The following OR3A2 variants were observed in gnomAD, a reference collection of about 807,000 sequenced individuals.
OR3A2 encodes the protein olfactory receptor 3A2.
For missense variants in OR3A2, 318 were observed against 392.8 expected, an observed-to-expected ratio of 0.81 and a Z score of 1.61; for synonymous variants, 126 against 159.3, an observed-to-expected ratio of 0.79 and a Z score of 1.57.
At chr17:3,354,572 T>G (rs567555274) in intron 2 of OR3A2, among the ~76,000 whole-genome samples, 1 of 151,520 alleles carries the variant, frequency 6.6e-6, no homozygotes, top group East Asian at 1.9e-4. Context: ...TAGTCACTAA[T>G]GATCCTTCAA....
At chr17:3,385,453 A>G (rs952627120) in intron 1 of OR3A2, among the ~76,000 whole-genome samples, 5 of 150,278 alleles carry the variant, frequency 3.3e-5, no homozygotes, top group Non-Finnish European at 7.5e-5. Context: ...AGAGGAGGAT[A>G]GATAGATAGA....
intron 2 of OR3A2, among the ~76,000 whole-genome samples, chr17:3,372,088 G>A (rs2049632830): frequency 2.1e-5 from 3 of 143,480 alleles, no homozygotes; most frequent in African/African-American, 8.1e-5. Context: ...CCAGGCGGAG[G>A]GTCTCCTCTC....
At chr17:3,307,788 T>TG (rs2049009421) in intron 3 of OR3A2, among the ~76,000 whole-genome samples, 1 of 152,152 alleles carries the variant, frequency 6.6e-6, no homozygotes, top group Non-Finnish European at 1.5e-5. Context: ...GCAAGAACAC[T>TG]GATCCAGGGA....
intron 3 of OR3A2, chr17:3,310,189 C>T (rs554931117): frequency 8.1e-5 from 32 of 397,094 alleles, no homozygotes; most frequent in Non-Finnish European, 8.1e-5. Flanking sequence ...TCTTCCATCC[C>T]GGCCCTGTCC....
intron 3 of OR3A2, among the ~76,000 whole-genome samples, chr17:3,304,293 T>C (rs1003413537): frequency 2.0e-5 from 3 of 152,196 alleles, no homozygotes; most frequent in African/African-American, 7.2e-5. Context: ...AAGACCCACC[T>C]GCAGGACTCT....
At chr17:3,332,755 G>A (rs112901969) in intron 3 of OR3A2, among the ~76,000 whole-genome samples, 349 of 152,212 alleles carry the variant, frequency 2.3e-3, no homozygotes, top group African/African-American at 7.6e-3. Context: ...TGCAATCTCC[G>A]AACATAAATT....
At chr17:3,324,810 C>A (rs934003298) in intron 3 of OR3A2, among the ~76,000 whole-genome samples, 12 of 152,088 alleles carry the variant, frequency 7.9e-5, no homozygotes, top group Non-Finnish European at 1.8e-4. Context: ...GGGTCAGAGA[C>A]CCACTTGAGG....
rs891560304 is a variant in OR3A2 at position 3,312,245 on chromosome 17, T to C, written c.-85+23788A>G. 2.6e-5 allele frequency among the ~76,000 whole-genome samples: 4 copies of C among 152,326 alleles called. No homozygotes were observed. In the East Asian group the frequency reaches 5.8e-4, roughly 22 times the overall value. On this transcript the variant is annotated intron_variant, in intron 3 of 4. Coordinates refer to the OR3A2 transcript ENST00000573491. ...TTAATGATTGTTCAATTGAAACATA[T>C]ATAAAATGTTAATAAAAATGAAATG...
intron 2 of OR3A2, among the ~76,000 whole-genome samples, chr17:3,374,262 T>C (rs989038008): frequency 1.3e-5 from 2 of 152,226 alleles, no homozygotes; most frequent in Admixed American, 6.5e-5. Flanking sequence ...GATAACCTGA[T>C]GACTATCTGC....
chr17:3,288,800 G>A (rs372217029), upstream of OR3A2, among the ~76,000 whole-genome samples: 5 of 152,164 alleles, frequency 3.3e-5, no homozygotes, highest in East Asian at 1.9e-4. Flanking sequence ...TAGTGAACAC[G>A]TACTTATACA....
intron 2 of OR3A2, among the ~76,000 whole-genome samples, chr17:3,342,776 C>A (rs2049330476): frequency 6.6e-6 from 1 of 152,326 alleles, no homozygotes; most frequent in South Asian, 2.1e-4. Context: ...ATTCTCAGAG[C>A]TCAAACACCA....
intron 2 of OR3A2, among the ~76,000 whole-genome samples, chr17:3,338,724 C>A (rs2049291956): frequency 6.6e-6 from 1 of 152,116 alleles, no homozygotes; most frequent in Admixed American, 6.5e-5. Context: ...AGGTTTGTTC[C>A]TTTTGCTTAG....
downstream of OR3A2, among the ~76,000 whole-genome samples, chr17:3,276,727 C>T (rs1470945414): frequency 1.3e-5 from 2 of 152,018 alleles, no homozygotes; most frequent in Admixed American, 1.3e-4. Context: ...GTAATACAAA[C>T]ATTTACTCTT....
At chr17:3,310,863 C>A in intron 3 of OR3A2, 1 of 1,044,544 alleles carries the variant, frequency 9.6e-7, no homozygotes, top group Non-Finnish European at 1.4e-6. Flanking sequence ...CTGTGACCTC[C>A]CACAGCCCTT....
chr17:3,377,758 G>A (rs1413003718), intron 2 of OR3A2, among the ~76,000 whole-genome samples: 1 of 152,180 alleles, frequency 6.6e-6, no homozygotes, highest in Non-Finnish European at 1.5e-5. Flanking sequence ...GTATGACAGG[G>A]CCAGTAGAAA....
intron 2 of OR3A2, among the ~76,000 whole-genome samples, chr17:3,371,927 A>C (rs1336308092): frequency 2.8e-5 from 3 of 107,790 alleles, no homozygotes; most frequent in Admixed American, 9.0e-5. Context: ...GCGGGGGCTG[A>C]CCCCCACCTC....
At chr17:3,380,782 C>T (rs1243833403) in intron 2 of OR3A2, among the ~76,000 whole-genome samples, 2 of 152,136 alleles carry the variant, frequency 1.3e-5, no homozygotes, top group African/African-American at 4.8e-5. Flanking sequence ...GATAGAAACC[C>T]CCAGGCCTGA....
intron 2 of OR3A2, among the ~76,000 whole-genome samples, chr17:3,375,457 C>G (rs1432966231): frequency 6.6e-6 from 1 of 151,672 alleles, no homozygotes; most frequent in Non-Finnish European, 1.5e-5. Context: ...CATATGCCAC[C>G]ATGTCTGGCT....
intron 3 of OR3A2, among the ~76,000 whole-genome samples, chr17:3,293,493 G>A (rs1188972822): frequency 6.6e-6 from 1 of 152,020 alleles, no homozygotes; most frequent in Admixed American, 6.6e-5. Flanking sequence ...TCTTAGACTT[G>A]CAAGATACAA....
Sources: allele counts gnomAD v4.1 joint callset (sites outside exome capture counted in the v4.1 genomes callset), GRCh38; gene constraint gnomAD v4.1.1; transcripts MANE v1.5; gene names NCBI Gene and HGNC (gene_info 2026-07-23, HGNC 2026-07-21).